Variants in PLCL1 observed in about 807,000 individuals in gnomAD.
The protein encoded by PLCL1 is inactive phospholipase C-like protein 1.
A neutral mutation model predicts 84.4 loss-of-function variants in PLCL1; 41 were observed. That is an observed-to-expected ratio of 0.49 (90% CI 0.38 to 0.63). The LOEUF is 0.63. Ranked by LOEUF, PLCL1 falls within the 30% of genes least tolerant of loss-of-function variation. The probability of loss-of-function intolerance (pLI) is 0.00; values close to 1 mark genes in which losing one functional copy is unlikely to be tolerated. For missense variants in PLCL1, 1,206 were observed against 1,367.8 expected, an observed-to-expected ratio of 0.88 and a Z score of 1.87; for synonymous variants, 490 against 488.3, an observed-to-expected ratio of 1.00 and a Z score of -0.05.
intron 1 of PLCL1, among the ~76,000 whole-genome samples, chr2:197,822,574 T>TA (rs1690840266): frequency 6.6e-6 from 1 of 152,198 alleles, no homozygotes; most frequent in African/African-American, 2.4e-5. Context: ...TATTAACTCT[T>TA]ACCAATTCTT....
At chr2:197,966,332 G>C (rs1689732992) in intron 1 of PLCL1, among the ~76,000 whole-genome samples, 2 of 152,098 alleles carry the variant, frequency 1.3e-5, no homozygotes, top group African/African-American at 2.4e-5. Context: ...ACTTTCCCAA[G>C]AATTGCAGTC....
chr2:197,864,704 G>A (rs1687496164), intron 1 of PLCL1, among the ~76,000 whole-genome samples: 1 of 152,008 alleles, frequency 6.6e-6, no homozygotes, highest in Non-Finnish European at 1.5e-5. Context: ...GAACTCATGG[G>A]CTCAAGCCTT....
intron 1 of PLCL1, among the ~76,000 whole-genome samples, chr2:197,987,514 C>T (rs1402684747): frequency 2.6e-5 from 4 of 152,136 alleles, no homozygotes; most frequent in Non-Finnish European, 4.4e-5. Context: ...CTACCTGACT[C>T]CTGGAAGCAT....
At chr2:197,917,884 C>T (rs1688626133) in intron 1 of PLCL1, among the ~76,000 whole-genome samples, 1 of 152,076 alleles carries the variant, frequency 6.6e-6, no homozygotes, top group African/African-American at 2.4e-5. Context: ...AAAGAGCTTC[C>T]AATGGCCAAC....
At chr2:198,127,016 GGT>G (rs201332290) in intron 5 of PLCL1, among the ~76,000 whole-genome samples, 4,295 of 119,528 alleles carry the variant, frequency 0.036, 100 homozygotes, top group African/African-American at 0.052. Context: ...GTGTGTGGGG[GGT>G]GGTGTATTCT....
At chr2:198,093,430 T>G (rs1693101939) in intron 3 of PLCL1, among the ~76,000 whole-genome samples, 1 of 152,178 alleles carries the variant, frequency 6.6e-6, no homozygotes, top group South Asian at 2.1e-4. Flanking sequence ...TCCATTTACT[T>G]TTTATGCAAA....
In PLCL1 at chr2:198,146,772, GT is replaced by G. The variant is rs1341257146; in HGVS notation, c.3106-5del. 6.2e-7 allele frequency: 1 copy of G among 1,603,652 alleles called. No homozygotes were observed. ...TCTTCTTTGATGCCTGTTTTTTTCTGTTTGTAGGGCCAAGGAGATCTGTTGA... is the reference window on the plus strand; with the variant it reads ...TCTTCTTTGATGCCTGTTTTTTTCTGTTGTAGGGCCAAGGAGATCTGTTGA... On this transcript the variant is annotated splice_polypyrimidine_tract_variant and splice_region_variant and intron_variant, in intron 5 of 5. Transcript: ENST00000428675.
At chr2:197,954,409 G>A (rs554093752) in intron 1 of PLCL1, among the ~76,000 whole-genome samples, 1 of 152,042 alleles carries the variant, frequency 6.6e-6, no homozygotes, top group African/African-American at 2.4e-5. Context: ...AGACAGGAAG[G>A]CCTGCAGAGA....
chr2:197,935,990 C>T (rs893783115), intron 1 of PLCL1, among the ~76,000 whole-genome samples: 1 of 152,144 alleles, frequency 6.6e-6, no homozygotes, highest in Non-Finnish European at 1.5e-5. Context: ...TAAGTGAGAT[C>T]ATGCAGTATT....
At chr2:197,957,775 C>T (rs936984294) in intron 1 of PLCL1, among the ~76,000 whole-genome samples, 4 of 151,924 alleles carry the variant, frequency 2.6e-5, no homozygotes, top group South Asian at 2.1e-4. Context: ...TTGCCCATGC[C>T]CTTCCTTATT....
intron 5 of PLCL1, among the ~76,000 whole-genome samples, chr2:198,106,926 C>G (rs1693489493): frequency 6.6e-6 from 1 of 151,826 alleles, no homozygotes; most frequent in Non-Finnish European, 1.5e-5. Context: ...TTAACTCACG[C>G]CCATGGTTCT....
chr2:198,041,861 T>C (rs138076794), intron 1 of PLCL1, among the ~76,000 whole-genome samples: 131 of 152,276 alleles, frequency 8.6e-4, no homozygotes, highest in African/African-American at 3.0e-3. Flanking sequence ...GAGCATGGCA[T>C]GTGTTTTGGA....
At chr2:197,915,522 ATT>A (rs879865594) in intron 1 of PLCL1, among the ~76,000 whole-genome samples, 5 of 143,494 alleles carry the variant, frequency 3.5e-5, no homozygotes, top group Admixed American at 7.0e-5. Context: ...TCAGAAGGAG[ATT>A]TTTTTTTTTT....
chr2:197,964,275 C>A (rs1689683794), intron 1 of PLCL1, among the ~76,000 whole-genome samples: 1 of 151,968 alleles, frequency 6.6e-6, no homozygotes, highest in Admixed American at 6.6e-5. Context: ...CCATGTCTTT[C>A]ATAAATGTTG....
At position 197,943,950 on chromosome 2, in the gene PLCL1, G is replaced by A. The variant is rs188999580; in HGVS notation, c.240+138611G>A. 5.9e-5 allele frequency among the ~76,000 whole-genome samples: 9 copies of A among 152,156 alleles called. No individual in the cohort carries two copies. In the East Asian group the frequency reaches 1.7e-3, roughly 29 times the overall value. ...CCCCAGCATGCACTGTGCTCTCTGGGCATAAGGCACAGCTGTCACTCTGGG... is the reference window on the plus strand; with the variant it reads ...CCCCAGCATGCACTGTGCTCTCTGGACATAAGGCACAGCTGTCACTCTGGG... On this transcript the variant is annotated intron_variant, in intron 1 of 5. Coordinates refer to ENST00000428675, the MANE Select transcript of PLCL1 (RefSeq NM_006226.4).
chr2:198,051,051 C>T (rs562261605), intron 1 of PLCL1, among the ~76,000 whole-genome samples: 3 of 152,216 alleles, frequency 2.0e-5, no homozygotes, highest in Non-Finnish European at 4.4e-5. Flanking sequence ...TGAGTTCTGT[C>T]TCTTTCAAGT....
intron 1 of PLCL1, among the ~76,000 whole-genome samples, chr2:197,867,497 G>T (rs1254252426): frequency 6.6e-6 from 1 of 151,968 alleles, no homozygotes; most frequent in East Asian, 1.9e-4. Flanking sequence ...AGCATCTGAT[G>T]ATTTATTTTT....
At chr2:198,111,692 C>T (rs748871488) in intron 5 of PLCL1, among the ~76,000 whole-genome samples, 9 of 151,810 alleles carry the variant, frequency 5.9e-5, no homozygotes, top group Non-Finnish European at 1.0e-4. Flanking sequence ...GGAAATGAGG[C>T]TCAGGAGGTT....
Position 197,962,835 on chromosome 2 carries a change from A to G in PLCL1, c.241-120923A>G, listed in dbSNP as rs907393783. Among the ~76,000 whole-genome samples the G allele has an allele frequency of 3.4e-4, 51 of 152,032 alleles. 1 individual carries two copies. Among genetic ancestry groups the G allele is most frequent in the African/African-American group, 1.2e-3 (51 of 41,510 alleles). On this transcript the variant is annotated intron_variant, in intron 1 of 5. Coordinates refer to ENST00000428675, the MANE Select transcript of PLCL1 (RefSeq NM_006226.4). Reference sequence around the variant, plus strand: ...CCACAAATAAGTGAGAACATGCAAAATTTGTCATTCTGTGCCTGACTTAAC... The same window carrying G: ...CCACAAATAAGTGAGAACATGCAAAGTTTGTCATTCTGTGCCTGACTTAAC...
Sources: allele counts gnomAD v4.1 joint callset (sites outside exome capture counted in the v4.1 genomes callset), GRCh38; gene constraint gnomAD v4.1.1; transcripts MANE v1.5; gene names NCBI Gene and HGNC (gene_info 2026-07-23, HGNC 2026-07-21).